SNX7: variants seen among roughly 807,000 people sequenced by gnomAD.
SNX7 encodes the protein sorting nexin-7.
SNX7 carries 35 observed loss-of-function variants against 48.4 expected under a neutral mutation model. The ratio of observed to expected loss-of-function variants is 0.72; its 90% CI spans 0.55 to 0.96. The LOEUF is 0.96. SNX7 is among the 40% of genes least tolerant of loss of function. The pLI is 0.00. For missense variants in SNX7, 553 were observed against 548.9 expected (o/e 1.01, Z -0.07); for synonymous variants, 190 against 190.2 (o/e 1.00, Z 0.01).
At chr1:98,674,970 C>T (rs1650079179) in intron 1 of SNX7, among the ~76,000 whole-genome samples, 3 of 152,096 alleles carry the variant, frequency 2.0e-5, no homozygotes, top group African/African-American at 4.8e-5. Context: ...AGATTTGTCA[C>T]ACAGATAATT....
intron 6 of SNX7, among the ~76,000 whole-genome samples, chr1:98,701,131 G>A (rs2100974449): frequency 1.3e-5 from 2 of 152,224 alleles, no homozygotes; most frequent in South Asian, 4.1e-4. Flanking sequence ...CGGCAAAAAT[G>A]AAAGATGTAG....
At chr1:98,667,977 G>A (rs1365268561) in intron 1 of SNX7, among the ~76,000 whole-genome samples, 1 of 151,404 alleles carries the variant, frequency 6.6e-6, no homozygotes, top group East Asian at 1.9e-4. Flanking sequence ...GGCTGATCCA[G>A]GACTACTTAT....
intron 8 of SNX7, among the ~76,000 whole-genome samples, chr1:98,738,639 C>T (rs1012275044): frequency 2.6e-5 from 4 of 152,152 alleles, no homozygotes; most frequent in African/African-American, 7.2e-5. Flanking sequence ...CCTCTTTCCT[C>T]TCCCTTCTCC....
At chr1:98,733,445 A>G (rs1653620184) in intron 7 of SNX7, among the ~76,000 whole-genome samples, 2 of 152,066 alleles carry the variant, frequency 1.3e-5, no homozygotes, top group South Asian at 2.1e-4. Context: ...CTGTGAAAAG[A>G]CGAACAACCT....
At position 98,683,940 on chromosome 1, in the gene SNX7, A is replaced by C. The variant is rs375717736; in HGVS notation, c.181-945A>C. Among the ~76,000 whole-genome samples the C allele has an allele frequency of 9.2e-5, 14 of 152,198 alleles. No homozygotes were observed. The East Asian group carries it at 1.9e-3, about 21-fold the overall frequency. The stretch of plus-strand genomic sequence containing the variant: ...AAAGTAGACTTCCAGTGTTCTACCA[A>C]ATTGGGGTGGGAAAGTTACCTGATT... On this transcript the variant is annotated intron_variant, in intron 1 of 8. Coordinates refer to ENST00000306121, the MANE Select transcript of SNX7 (RefSeq NM_015976.5).
At chr1:98,683,644 T>C (rs1650624879) in intron 1 of SNX7, among the ~76,000 whole-genome samples, 1 of 152,212 alleles carries the variant, frequency 6.6e-6, no homozygotes, top group African/African-American at 2.4e-5. Flanking sequence ...CTGAATCTGC[T>C]GACATCTTGA....
intron 1 of SNX7, among the ~76,000 whole-genome samples, chr1:98,665,773 A>G (rs1489055763): frequency 1.3e-5 from 2 of 152,048 alleles, no homozygotes; most frequent in Admixed American, 6.6e-5. Flanking sequence ...TATTTTTAGT[A>G]GAGACAGGGT....
intron 6 of SNX7, among the ~76,000 whole-genome samples, chr1:98,699,624 T>C (rs1410144600): frequency 6.6e-6 from 1 of 152,194 alleles, no homozygotes; most frequent in East Asian, 1.9e-4. Flanking sequence ...GCTCCTTTTT[T>C]CCGTTCTTTA....
intron 7 of SNX7, among the ~76,000 whole-genome samples, chr1:98,714,455 G>A (rs555050119): frequency 7.2e-5 from 8 of 111,344 alleles, no homozygotes; most frequent in Non-Finnish European, 1.7e-4. Flanking sequence ...TCTAGTGGAA[G>A]GATGCTGAAA....
At chr1:98,683,287 G>C (rs1357214114) in intron 1 of SNX7, among the ~76,000 whole-genome samples, 1 of 152,120 alleles carries the variant, frequency 6.6e-6, no homozygotes, top group East Asian at 1.9e-4. Context: ...CTGCATGCAT[G>C]GTAGGGGCTT....
intron 4 of SNX7, among the ~76,000 whole-genome samples, chr1:98,693,642 A>T (rs1570526199): frequency 1.3e-5 from 2 of 152,192 alleles, no homozygotes; most frequent in East Asian, 3.9e-4. Flanking sequence ...TCTTGGATGG[A>T]TGTATTGCCT....
intron 1 of SNX7, among the ~76,000 whole-genome samples, chr1:98,671,784 CAT>C (rs1205469460): frequency 2.0e-5 from 3 of 152,164 alleles, no homozygotes; most frequent in Non-Finnish European, 4.4e-5. Context: ...TAAATAGAAT[CAT>C]ATCATATATG....
chr1:98,705,390 A>G (rs1434485090), intron 7 of SNX7, among the ~76,000 whole-genome samples: 1 of 152,186 alleles, frequency 6.6e-6, no homozygotes, highest in East Asian at 1.9e-4. Context: ...AAGTTTTCTA[A>G]CTTCTTTCAG....
chr1:98,689,150 G>C lies in SNX7; in HGVS notation c.364-1925G>C, dbSNP rs576681479. Among the ~76,000 whole-genome samples, 7 of 152,256 alleles carry C rather than the reference G, an allele frequency of 4.6e-5. No individual in the cohort carries two copies. The East Asian group carries it at 9.7e-4, about 21-fold the overall frequency. On this transcript the variant is annotated intron_variant, in intron 2 of 8. Coordinates refer to ENST00000306121, the MANE Select transcript of SNX7 (RefSeq NM_015976.5). ...GAACTCCTGACCTCGTGATCTGCCTGCCTCGGCCTCCCAAAATGCTGGGAT... is the reference window on the plus strand; with the variant it reads ...GAACTCCTGACCTCGTGATCTGCCTCCCTCGGCCTCCCAAAATGCTGGGAT...
chr1:98,753,960 A>G (rs1332305403), intron 8 of SNX7, among the ~76,000 whole-genome samples: 1 of 152,046 alleles, frequency 6.6e-6, no homozygotes, highest in Non-Finnish European at 1.5e-5. Flanking sequence ...CTTGGTATTG[A>G]AAAATCAATA....
intron 4 of SNX7, among the ~76,000 whole-genome samples, chr1:98,692,423 A>C (rs191554894): frequency 1.2e-4 from 19 of 152,120 alleles, no homozygotes; most frequent in Non-Finnish European, 2.5e-4. Context: ...CTTAGCAAGC[A>C]ATTCAACTTT....
intron 8 of SNX7, among the ~76,000 whole-genome samples, chr1:98,741,909 C>G (rs1654089356): frequency 6.6e-6 from 1 of 152,162 alleles, no homozygotes; most frequent in Non-Finnish European, 1.5e-5. Flanking sequence ...ATTGAATTCA[C>G]TTGGCTATCC....
At chr1:98,734,676 C>T (rs959590451) in intron 7 of SNX7, among the ~76,000 whole-genome samples, 5 of 152,088 alleles carry the variant, frequency 3.3e-5, no homozygotes, top group Non-Finnish European at 5.9e-5. Flanking sequence ...TAGTCACCAT[C>T]GTAGAAACAT....
chr1:98,699,846 T>G (rs1320701655), intron 6 of SNX7, among the ~76,000 whole-genome samples: 1 of 152,216 alleles, frequency 6.6e-6, no homozygotes, highest in Non-Finnish European at 1.5e-5. Flanking sequence ...TTGGCTGTAC[T>G]TAACTTTATT....
Sources: allele counts gnomAD v4.1 joint callset (sites outside exome capture counted in the v4.1 genomes callset), GRCh38; gene constraint gnomAD v4.1.1; transcripts MANE v1.5; gene names NCBI Gene and HGNC (gene_info 2026-07-23, HGNC 2026-07-21).